MEGF11: variants seen among roughly 807,000 people sequenced by gnomAD.
MEGF11 encodes multiple EGF like domains 11.
Under a neutral mutation model 146.6 loss-of-function variants are expected in MEGF11, and 126 were observed. The observed-to-expected ratio is 0.86, with a 90% confidence interval of 0.74 to 1.00. The LOEUF (loss-of-function observed/expected upper bound fraction) is 1.00, where lower values mean the gene tolerates loss of function less well. Among genes scored for constraint, MEGF11 ranks in the 50% least tolerant of loss-of-function variants. The pLI, the probability that MEGF11 is intolerant of heterozygous loss-of-function variation, is 0.00. For missense variants in MEGF11, 1,509 were observed against 1,521.2 expected, an observed-to-expected ratio of 0.99 and a Z score of 0.13; for synonymous variants, 532 against 583.4, an observed-to-expected ratio of 0.91 and a Z score of 1.27.
At chr15:65,903,834 G>A (rs1017749997) in intron 24 of MEGF11, among the ~76,000 whole-genome samples, 9 of 152,340 alleles carry the variant, frequency 5.9e-5, no homozygotes, top group African/African-American at 1.7e-4. Context: ...GTTCTGAACT[G>A]TGACATCATA....
In MEGF11 at chr15:65,916,877, G is replaced by C; in HGVS notation, c.2166C>G (p.Asp722Glu). The C allele has an allele frequency of 6.3e-7, 1 of 1,587,938 alleles. No homozygotes were observed. The highest frequency in any genetic ancestry group is 1.1e-5 in the South Asian group (1 of 87,282). ...CHNGASCSAE[D>E]GACHCTPGWT... The stretch of plus-strand genomic sequence containing the variant: ...AGCCAGGGGTGCAGTGGCAGGCCCC[G>C]TCCTCGGCGCTGCAGCTCGCCCCGT... The change falls in exon 17 of 26, where the codon GAC (aspartate) becomes GAG (glutamate). Residue 722 changes from aspartate to glutamate, a missense_variant. Transcript: ENST00000395614.
At chr15:66,084,925 A>G (rs1017047791) in intron 5 of MEGF11, among the ~76,000 whole-genome samples, 155 of 152,272 alleles carry the variant, frequency 1.0e-3, no homozygotes, top group African/African-American at 3.7e-3. Flanking sequence ...ATTTTGCCCT[A>G]CACCTGGAAA....
chr15:66,100,231 G>A (rs1374671678), intron 4 of MEGF11, among the ~76,000 whole-genome samples: 1 of 152,194 alleles, frequency 6.6e-6, no homozygotes, highest in African/African-American at 2.4e-5. Context: ...TTAGATAGAG[G>A]AGTCCAAAAT....
intron 13 of MEGF11, among the ~76,000 whole-genome samples, chr15:65,924,353 G>A (rs1349870875): frequency 1.4e-5 from 2 of 147,214 alleles, no homozygotes; most frequent in African/African-American, 2.6e-5. Context: ...ATGGTTGCGG[G>A]TGGGTAGGTG....
chr15:65,998,211 G>C (rs2082257635), intron 5 of MEGF11, among the ~76,000 whole-genome samples: 1 of 152,312 alleles, frequency 6.6e-6, no homozygotes, highest in East Asian at 1.9e-4. Flanking sequence ...CCTGGTCTAA[G>C]AGGGAGACAG....
At chr15:66,111,331 C>G in intron 4 of MEGF11, among the ~76,000 whole-genome samples, 1 of 152,234 alleles carries the variant, frequency 6.6e-6, no homozygotes, top group Non-Finnish European at 1.5e-5. Flanking sequence ...CCACTTCTCT[C>G]TGTAAAACAG....
At chr15:66,111,792 G>T (rs77752601) in intron 4 of MEGF11, among the ~76,000 whole-genome samples, 2,563 of 152,296 alleles carry the variant, frequency 0.017, 71 homozygotes, top group African/African-American at 0.057. Context: ...TCCTTTAGGG[G>T]TGATTAGATA....
chr15:66,183,550 A>G (rs934033478), intron 1 of MEGF11, among the ~76,000 whole-genome samples: 31 of 152,024 alleles, frequency 2.0e-4, no homozygotes, highest in Admixed American at 9.2e-4. Flanking sequence ...AGAAAAAAAA[A>G]AAAAAGAAAA....
chr15:66,161,308 G>C (rs1053873191), intron 1 of MEGF11, among the ~76,000 whole-genome samples: 2 of 152,202 alleles, frequency 1.3e-5, no homozygotes, highest in Admixed American at 6.5e-5. Context: ...GCAGCCACAC[G>C]GGTGAAGAAA....
At chr15:66,117,830 C>T (rs1396517536) in intron 4 of MEGF11, among the ~76,000 whole-genome samples, 1 of 152,182 alleles carries the variant, frequency 6.6e-6, no homozygotes, top group Non-Finnish European at 1.5e-5. Flanking sequence ...TGAGGAACGG[C>T]CTTTTAGGTG....
At chr15:66,184,364 G>A (rs949558429) in intron 1 of MEGF11, among the ~76,000 whole-genome samples, 8 of 151,978 alleles carry the variant, frequency 5.3e-5, no homozygotes, top group African/African-American at 1.7e-4. Flanking sequence ...TCCAGGGCTG[G>A]AACCCATCCC....
At chr15:65,904,858 A>T (rs1225471813) in intron 24 of MEGF11, among the ~76,000 whole-genome samples, 1 of 152,132 alleles carries the variant, frequency 6.6e-6, no homozygotes, top group Admixed American at 6.5e-5. Flanking sequence ...TAGATTTAGG[A>T]TATGCATTGG....
intron 4 of MEGF11, among the ~76,000 whole-genome samples, chr15:66,112,715 GGGC>G (rs2087497917): frequency 1.3e-5 from 2 of 151,720 alleles, no homozygotes; most frequent in Admixed American, 1.3e-4. Flanking sequence ...GGAAACTGCA[GGGC>G]AGGCAGTGCA....
chr15:66,061,932 G>A (rs1416956831), intron 5 of MEGF11, among the ~76,000 whole-genome samples: 1 of 152,146 alleles, frequency 6.6e-6, no homozygotes, highest in East Asian at 1.9e-4. Context: ...ACCACACTTG[G>A]CTAATTTAAA....
At chr15:66,112,036 C>T (rs948283570) in intron 4 of MEGF11, among the ~76,000 whole-genome samples, 1 of 140,844 alleles carries the variant, frequency 7.1e-6, no homozygotes, top group Admixed American at 7.2e-5. Flanking sequence ...GGCCGCTGAA[C>T]AATTTGGGGC....
At chr15:65,934,538 AC>A (rs1391788866) in intron 10 of MEGF11, among the ~76,000 whole-genome samples, 1 of 152,236 alleles carries the variant, frequency 6.6e-6, no homozygotes, top group African/African-American at 2.4e-5. Context: ...GGTGTGAGCC[AC>A]TGCACCTGGC....
At chr15:66,115,955 C>A (rs2087705739) in intron 4 of MEGF11, among the ~76,000 whole-genome samples, 1 of 152,190 alleles carries the variant, frequency 6.6e-6, no homozygotes. Context: ...AGACGATAAA[C>A]CGCTGCCGGT....
rs550662501 is a variant in MEGF11, at chr15:66,199,891, C to T, written c.-9+53714G>A. ...TCCAAACTAGAAACAATCTAAATATCTACCAGTAGGGGTTTGGCAAAAATA... is the reference window on the plus strand; with the variant it reads ...TCCAAACTAGAAACAATCTAAATATTTACCAGTAGGGGTTTGGCAAAAATA... On this transcript the variant is annotated intron_variant, in intron 1 of 25. Coordinates refer to ENST00000395614, the MANE Select transcript of MEGF11 (RefSeq NM_001385028.1). Among the ~76,000 whole-genome samples, 3 of 151,136 alleles carry T rather than the reference C, an allele frequency of 2.0e-5. No individual in the cohort carries two copies. In the South Asian group the frequency reaches 6.3e-4, roughly 31 times the overall value.
At chr15:66,032,075 C>T (rs965168861) in intron 5 of MEGF11, among the ~76,000 whole-genome samples, 2 of 152,148 alleles carry the variant, frequency 1.3e-5, no homozygotes, top group Non-Finnish European at 2.9e-5. Flanking sequence ...CAATCTAATG[C>T]CTGATGATCT....
Sources: gnomAD v4.1 joint callset for allele counts (sites outside exome capture counted in the v4.1 genomes callset) on GRCh38, gnomAD v4.1.1 for gene constraint, MANE v1.5 for transcripts, NCBI Gene and HGNC (gene_info 2026-07-23, HGNC 2026-07-21) for gene names.